CMPK1: variants seen among roughly 807,000 people sequenced by gnomAD.
CMPK1 encodes cytidine/uridine monophosphate kinase 1, also known as UMP-CMP kinase.
Under a neutral mutation model 25.7 loss-of-function variants are expected in CMPK1, and 10 were observed. The ratio of observed to expected loss-of-function variants is 0.39; its 90% confidence interval spans 0.24 to 0.66. CMPK1 has a LOEUF of 0.66. CMPK1 is among the 30% of genes least tolerant of loss of function. The pLI is 0.48. For synonymous variants in CMPK1, 106 were observed against 101.5 expected (o/e 1.04, Z -0.27); for missense variants, 199 against 280.5 (o/e 0.71, Z 2.08).
intron 1 of CMPK1, among the ~76,000 whole-genome samples, chr1:47,355,419 TC>T (rs1363949539): frequency 7.0e-6 from 1 of 143,760 alleles, no homozygotes; most frequent in African/African-American, 2.6e-5. Flanking sequence ...TGATCTCTGC[TC>T]ACTTCTGCCT....
intron 1 of CMPK1, chr1:47,358,547 A>G: frequency 4.0e-6 from 4 of 1,007,584 alleles, no homozygotes; most frequent in Non-Finnish European, 4.8e-6. Flanking sequence ...TTTCTGTTTT[A>G]TAAATAAACA....
intron 1 of CMPK1, among the ~76,000 whole-genome samples, chr1:47,362,257 C>T (rs1375148710): frequency 6.6e-6 from 1 of 151,818 alleles, no homozygotes; most frequent in Non-Finnish European, 1.5e-5. Flanking sequence ...GCAACCTCCG[C>T]CTTCTGGGTT....
intron 1 of CMPK1, among the ~76,000 whole-genome samples, chr1:47,355,897 G>A (rs1343573162): frequency 3.3e-5 from 5 of 152,076 alleles, no homozygotes; most frequent in Non-Finnish European, 7.4e-5. Context: ...GAGCCACCGC[G>A]CCCAGCCAGA....
chr1:47,378,264 T>C lies in CMPK1; in HGVS notation c.*1519T>C, dbSNP rs1303782131. The C allele has an allele frequency of 6.6e-6, 1 of 152,182 alleles. No individual in the cohort carries two copies. Among genetic ancestry groups the C allele is most frequent in the African/African-American group, 2.4e-5 (1 of 41,442 alleles). The allele number at this position is 152,182 out of a possible 1,614,324, so 9.4% of individuals were successfully genotyped here. On this transcript the variant is annotated 3_prime_UTR_variant, in exon 6 of 6. Coordinates refer to ENST00000371873, the MANE Select transcript of CMPK1 (RefSeq NM_016308.3). The stretch of plus-strand genomic sequence containing the variant: ...AACATATTGGCCACTAAAATTCATA[T>C]TGAGATTATCTTGGTTTCTTGGAAG...
At chr1:47,354,599 C>CTTTTTTTTT (rs34592236) in intron 1 of CMPK1, among the ~76,000 whole-genome samples, 8 of 105,470 alleles carry the variant, frequency 7.6e-5, no homozygotes, top group Admixed American at 1.1e-4. Context: ...TTGTGACTTG[C>CTTTTTTTTT]TTTTTTTTTT....
chr1:47,376,488 G>T (rs529499795), intron 5 of CMPK1, among the ~76,000 whole-genome samples: 2 of 152,100 alleles, frequency 1.3e-5, no homozygotes, highest in African/African-American at 4.8e-5. Context: ...GCTGATTTTT[G>T]TATTTTTAGT....
intron 1 of CMPK1, among the ~76,000 whole-genome samples, chr1:47,356,150 T>A (rs575453190): frequency 2.8e-4 from 43 of 152,334 alleles, no homozygotes; most frequent in African/African-American, 9.6e-4. Flanking sequence ...ACTTGTTTTG[T>A]GTTTTAGAAC....
At chr1:47,354,585 T>A (rs1646545987) in intron 1 of CMPK1, among the ~76,000 whole-genome samples, 1 of 151,566 alleles carries the variant, frequency 6.6e-6, no homozygotes, top group South Asian at 2.1e-4. Flanking sequence ...TAGTGCTTAT[T>A]GTTTTGTGAC....
chr1:47,355,622 G>A (rs766660163), intron 1 of CMPK1, among the ~76,000 whole-genome samples: 10 of 136,722 alleles, frequency 7.3e-5, no homozygotes, highest in Non-Finnish European at 9.4e-5. Flanking sequence ...CTTTTTTTCT[G>A]GGGGGACAGA....
chr1:47,364,120 A>G (rs1278874111), intron 1 of CMPK1, among the ~76,000 whole-genome samples: 1 of 152,086 alleles, frequency 6.6e-6, no homozygotes, highest in Non-Finnish European at 1.5e-5. Flanking sequence ...TTGACAGCAC[A>G]TAACCAGCAT....
intron 1 of CMPK1, among the ~76,000 whole-genome samples, chr1:47,363,728 A>T (rs1024192308): frequency 5.0e-4 from 76 of 152,188 alleles, no homozygotes; most frequent in African/African-American, 1.7e-3. Context: ...ACGGATCATG[A>T]GATCAGGAGT....
chr1:47,350,201 A>T (rs1296184427), intron 1 of CMPK1, among the ~76,000 whole-genome samples: 1 of 151,714 alleles, frequency 6.6e-6, no homozygotes, highest in Non-Finnish European at 1.5e-5. Context: ...AGCCTCCCAA[A>T]GTGCTGGAAT....
intron 1 of CMPK1, among the ~76,000 whole-genome samples, chr1:47,362,609 C>G (rs1027896704): frequency 6.6e-6 from 1 of 152,176 alleles, no homozygotes; most frequent in East Asian, 1.9e-4. Flanking sequence ...CATGCCACCA[C>G]GCCTGGCTAA....
intron 1 of CMPK1, among the ~76,000 whole-genome samples, chr1:47,334,466 G>T (rs1646381348): frequency 6.6e-6 from 1 of 152,254 alleles, no homozygotes; most frequent in African/African-American, 2.4e-5. Context: ...GCGTGTCGCT[G>T]ATCGTGTGGC....
intron 1 of CMPK1, among the ~76,000 whole-genome samples, chr1:47,343,776 A>G (rs990014433): frequency 4.6e-5 from 7 of 151,754 alleles, no homozygotes; most frequent in African/African-American, 1.7e-4. Context: ...TAGTCCAGCT[A>G]CTCAGGAGGC....
At chr1:47,336,850 A>G (rs573195444) in intron 1 of CMPK1, among the ~76,000 whole-genome samples, 3 of 152,332 alleles carry the variant, frequency 2.0e-5, no homozygotes, top group African/African-American at 7.2e-5. Context: ...GCAAAATAGT[A>G]TTTTTCTTTT....
Position 47,340,404 on chromosome 1 carries a change from G to A in CMPK1, c.171+6288G>A, listed in dbSNP as rs571669012. On this transcript the variant is annotated intron_variant, in intron 1 of 5. Transcript: ENST00000371873. ...CTCCCACCTCAGTCTCCAAAGTGCT[G>A]GGATTGCATCGTAAGCCAGCGTACC... is the stretch of plus-strand genomic sequence containing the variant. Among the ~76,000 whole-genome samples, 10 of 152,066 alleles carry A rather than the reference G, an allele frequency of 6.6e-5. No individual in the cohort carries two copies. The South Asian group carries it at 1.2e-3, about 19-fold the overall frequency.
chr1:47,362,432 T>C (rs1646610225), intron 1 of CMPK1, among the ~76,000 whole-genome samples: 1 of 151,366 alleles, frequency 6.6e-6, no homozygotes, highest in Non-Finnish European at 1.5e-5. Context: ...CCTCCCAGAG[T>C]GTTGGGATCA....
intron 4 of CMPK1, 51 bp from the exon 5 acceptor site, chr1:47,375,146 T>G (rs370461272): frequency 1.4e-6 from 2 of 1,425,166 alleles, no homozygotes; most frequent in Non-Finnish European, 2.0e-6. Flanking sequence ...CTATAACATG[T>G]AGAAGAAAGG....
Sources: allele counts gnomAD v4.1 joint callset (sites outside exome capture counted in the v4.1 genomes callset), GRCh38; gene constraint gnomAD v4.1.1; transcripts MANE v1.5; gene names NCBI Gene and HGNC (gene_info 2026-07-23, HGNC 2026-07-21).